NF2: variants seen among roughly 807,000 people sequenced by gnomAD.
NF2 encodes merlin.
A neutral mutation model predicts 83.7 loss-of-function variants in NF2; 8 were observed. That is an observed-to-expected ratio of 0.10 (90% CI 0.06 to 0.17). NF2 has a LOEUF of 0.17. NF2 is among the 10% of genes least tolerant of loss of function. The pLI, the probability that NF2 is intolerant of heterozygous loss-of-function variation, is 1.00. For synonymous variants in NF2, 266 were observed against 269.6 expected (o/e 0.99, Z 0.13); for missense variants, 533 against 744.4 (o/e 0.72, Z 3.31).
At chr22:29,625,562 G>A (rs1276931222) in intron 1 of NF2, among the ~76,000 whole-genome samples, 1 of 152,196 alleles carries the variant, frequency 6.6e-6, no homozygotes. Context: ...CTCAATTCTT[G>A]TTACAGGATG....
chr22:29,665,702 C>T (rs1254312316), intron 9 of NF2, among the ~76,000 whole-genome samples: 3 of 151,092 alleles, frequency 2.0e-5, no homozygotes, highest in South Asian at 2.1e-4. Context: ...CGGTGGCTTA[C>T]GCCTGTAATC....
At chr22:29,609,496 G>C in intron 1 of NF2, 1 of 284,146 alleles carries the variant, frequency 3.5e-6, no homozygotes, top group South Asian at 5.6e-5. Context: ...AGATTCTCTT[G>C]ATTGATGAAA....
chr22:29,641,006 G>C (rs934658250), intron 3 of NF2, among the ~76,000 whole-genome samples: 3 of 152,196 alleles, frequency 2.0e-5, no homozygotes, highest in Admixed American at 1.3e-4. Flanking sequence ...GGTGGCACAT[G>C]CCTGTAATCC....
At chr22:29,630,446 A>G (rs2065477556) in intron 1 of NF2, among the ~76,000 whole-genome samples, 1 of 152,276 alleles carries the variant, frequency 6.6e-6, no homozygotes, top group Admixed American at 6.5e-5. Flanking sequence ...TATCCATGAT[A>G]TAGGCACAAG....
Position 29,673,218 on chromosome 22 carries a change from C to T in NF2, c.1123-51C>T, listed in dbSNP as rs13055076. The T allele has an allele frequency of 0.13, 204,286 of 1,534,870 alleles. 15,181 individuals carry two copies. The highest frequency in any genetic ancestry group is 0.17 in the Middle Eastern group (1,014 of 5,968). ...TCTCAGTGTTCAAGGCAGATCTGGGCGGGAGAACAGCACATGATCCCACTT... is the reference window on the plus strand; with the variant it reads ...TCTCAGTGTTCAAGGCAGATCTGGGTGGGAGAACAGCACATGATCCCACTT... On this transcript the variant is annotated intron_variant, in intron 11 of 15. Coordinates refer to ENST00000338641, the MANE Select transcript of NF2 (RefSeq NM_000268.4).
intron 15 of NF2, among the ~76,000 whole-genome samples, chr22:29,686,898 C>T (rs191935800): frequency 2.1e-4 from 32 of 152,160 alleles, no homozygotes; most frequent in African/African-American, 7.2e-4. Flanking sequence ...CTGAGCCTTC[C>T]GAGTGAGGGG....
chr22:29,616,965 G>T (rs1321789135), intron 1 of NF2, among the ~76,000 whole-genome samples: 1 of 151,660 alleles, frequency 6.6e-6, no homozygotes, highest in Non-Finnish European at 1.5e-5. Flanking sequence ...GTCTCGCTCT[G>T]TCGCCCAGGT....
At chr22:29,672,231 A>G (rs1021544894) in intron 11 of NF2, among the ~76,000 whole-genome samples, 1 of 151,638 alleles carries the variant, frequency 6.6e-6, no homozygotes, top group African/African-American at 2.4e-5. Flanking sequence ...CCTTTGCTGT[A>G]GGAACTAGAT....
rs962811939 is a variant in NF2 at position 29,695,662 on chromosome 22, C to G, written c.*860C>G. On this transcript the variant is annotated 3_prime_UTR_variant, in exon 16 of 16. Coordinates refer to ENST00000338641, the MANE Select transcript of NF2 (RefSeq NM_000268.4). This position sits in a 1 kb window ranked among gnomAD's most constrained non-coding sequence, Gnocchi z 5.4. ...CCCTGGTCGTACTGCAGTCAGCACCCGTAACCCGGCTATGACCAGGGATCT... is the reference window on the plus strand; with the variant it reads ...CCCTGGTCGTACTGCAGTCAGCACCGGTAACCCGGCTATGACCAGGGATCT... 3 of 233,638 alleles carry G rather than the reference C, an allele frequency of 1.3e-5. No homozygotes were observed. The highest frequency in any genetic ancestry group is 1.2e-3 in the Middle Eastern group (1 of 812). The allele number at this position is 233,638 out of a possible 1,614,324, so 14.5% of individuals were successfully genotyped here. A position where few individuals can be genotyped will look rare whatever the true frequency, so the allele number is the denominator to read the frequency against.
chr22:29,694,990 G>A lies in NF2; in HGVS notation c.*188G>A, dbSNP rs2067508280. On this transcript the variant is annotated 3_prime_UTR_variant, in exon 16 of 16. Coordinates refer to ENST00000338641, the MANE Select transcript of NF2 (RefSeq NM_000268.4). The surrounding 1 kb of genome is among the most constrained non-coding windows in gnomAD (Gnocchi z 4.1). ...AATTGCCTTGAACTACGACCCTGTA[G>A]AGATTTCTCTCATGGCGTTCTAGTT... 1 of 657,438 alleles carries A rather than the reference G, an allele frequency of 1.5e-6. No homozygotes were observed. The highest frequency in any genetic ancestry group is 1.8e-5 in the African/African-American group (1 of 55,430). The allele number at this position is 657,438 out of a possible 1,614,324, so 40.7% of individuals were successfully genotyped here. A position where few individuals can be genotyped will look rare whatever the true frequency, so the allele number is the denominator to read the frequency against.
At chr22:29,672,060 A>T in intron 11 of NF2, 112 bp downstream of exon 11, 1 of 1,485,812 alleles carries the variant, frequency 6.7e-7, no homozygotes, top group East Asian at 2.3e-5. Context: ...TGAAATACTT[A>T]ATTTCAGCTT....
At chr22:29,604,154 G>C in intron 1 of NF2, 42 bp downstream of exon 1, 2 of 1,473,882 alleles carry the variant, frequency 1.4e-6, no homozygotes, top group Non-Finnish European at 1.9e-6. Context: ...GACAGTCGAG[G>C]TGGAAGCTCG....
intron 4 of NF2, 37 bp downstream of exon 4, chr22:29,642,322 G>A (rs565668239): frequency 1.1e-5 from 17 of 1,536,890 alleles, no homozygotes; most frequent in African/African-American, 8.2e-5. Context: ...TTTCCTGGGC[G>A]TTAATTTGGG....
chr22:29,675,009 C>T, intron 13 of NF2, 68 bp downstream of exon 13: 1 of 1,368,448 alleles, frequency 7.3e-7, no homozygotes, highest in East Asian at 2.5e-5. Flanking sequence ...CCCGGCCCTT[C>T]AGTTCATCTG....
intron 1 of NF2, among the ~76,000 whole-genome samples, chr22:29,607,243 A>G (rs1404008479): frequency 6.6e-6 from 1 of 152,234 alleles, no homozygotes; most frequent in African/African-American, 2.4e-5. Context: ...TCCTCCAAAC[A>G]GCCACAATTT....
At chr22:29,620,191 G>A (rs912817935) in intron 1 of NF2, among the ~76,000 whole-genome samples, 2 of 152,096 alleles carry the variant, frequency 1.3e-5, no homozygotes, top group African/African-American at 2.4e-5. Flanking sequence ...CCTGGGAGGT[G>A]AGGGTTGCAG....
intron 1 of NF2, among the ~76,000 whole-genome samples, chr22:29,624,070 T>C (rs1469362171): frequency 6.6e-6 from 1 of 152,234 alleles, no homozygotes. Flanking sequence ...ACAGCCCTGA[T>C]GGAAGGGGTA....
Position 29,681,561 on chromosome 22 carries a change from C to G in NF2, c.1697C>G (p.Ser566Cys). The G allele has an allele frequency of 6.2e-7, 1 of 1,614,138 alleles. No individual in the cohort carries two copies. Among genetic ancestry groups the G allele is most frequent in the Non-Finnish European group, 8.5e-7 (1 of 1,180,032 alleles). ...CTGGATATTCTGCACAATGAGAACT[C>G]CGACAGGGGTGGCAGCAGCAAGCAC... The part of the protein sequence containing the change: ...TALDILHNEN[S>C]DRGGSSKHNT... The change falls in exon 15 of 16, where the codon TCC (serine) becomes TGC (cysteine). Residue 566 changes from serine to cysteine, a missense_variant. Physicochemically the swap from Ser to Cys is moderately radical, Grantham distance 112 (BLOSUM62 -1). Coordinates refer to ENST00000338641, the MANE Select transcript of NF2 (RefSeq NM_000268.4).
chr22:29,625,276 G>C (rs1218613716), intron 1 of NF2, among the ~76,000 whole-genome samples: 1 of 152,136 alleles, frequency 6.6e-6, no homozygotes, highest in Non-Finnish European at 1.5e-5. Flanking sequence ...TATTTAGCTT[G>C]ATGTCCACGG....
Sources: gnomAD v4.1 joint callset for allele counts (sites outside exome capture counted in the v4.1 genomes callset) on GRCh38, gnomAD v4.1.1 for gene constraint, Gnocchi (gnomAD v3.1) non-coding constraint, MANE v1.5 for transcripts, NCBI Gene and HGNC (gene_info 2026-07-23, HGNC 2026-07-21) for gene names.